PAK5: variants seen among roughly 807,000 people sequenced by gnomAD.
PAK5 encodes the protein serine/threonine-protein kinase PAK 5.
In PAK5, 16 loss-of-function variants were observed where a neutral mutation model predicts 65.9. The ratio of observed to expected loss-of-function variants is 0.24; its 90% CI spans 0.16 to 0.37. The LOEUF (loss-of-function observed/expected upper bound fraction) is 0.37. Ranked by LOEUF, PAK5 falls within the 10% of genes least tolerant of loss-of-function variation. The probability of loss-of-function intolerance (pLI) is 1.00; values close to 1 mark genes in which losing one functional copy is unlikely to be tolerated. For synonymous variants in PAK5, 371 were observed against 354.9 expected (o/e 1.05, Z -0.51); for missense variants, 785 against 903.9 (o/e 0.87, Z 1.69).
intron 7 of PAK5, among the ~76,000 whole-genome samples, chr20:9,545,819 C>A (rs927258234): frequency 3.3e-5 from 5 of 152,156 alleles, no homozygotes; most frequent in Non-Finnish European, 7.4e-5. Flanking sequence ...CAAAAGCTGA[C>A]CCCTTTCCTA....
At chr20:9,589,423 C>T (rs751118682) in intron 3 of PAK5, among the ~76,000 whole-genome samples, 7 of 152,130 alleles carry the variant, frequency 4.6e-5, no homozygotes, top group Admixed American at 1.3e-4. Flanking sequence ...TATTTTCACT[C>T]GCTATTACCA....
At chr20:9,747,923 A>G (rs1303874995) in intron 1 of PAK5, among the ~76,000 whole-genome samples, 1 of 152,092 alleles carries the variant, frequency 6.6e-6, no homozygotes, top group African/African-American at 2.4e-5. Flanking sequence ...ACATGATTGT[A>G]TATCTAGAAA....
intron 3 of PAK5, among the ~76,000 whole-genome samples, chr20:9,632,134 G>A (rs978849565): frequency 6.6e-6 from 1 of 152,184 alleles, no homozygotes. Context: ...ACTGCTGGGA[G>A]AGAAGAGCTG....
intron 3 of PAK5, among the ~76,000 whole-genome samples, chr20:9,594,801 A>G (rs1356013659): frequency 6.6e-6 from 1 of 152,154 alleles, no homozygotes; most frequent in African/African-American, 2.4e-5. Context: ...AAATCTTTTT[A>G]ATCAACTTCT....
At chr20:9,735,265 C>G (rs969950094) in intron 1 of PAK5, among the ~76,000 whole-genome samples, 1 of 151,970 alleles carries the variant, frequency 6.6e-6, no homozygotes, top group African/African-American at 2.4e-5. Flanking sequence ...GAGGGGAGAG[C>G]TGGAGAGAGA....
intron 1 of PAK5, among the ~76,000 whole-genome samples, chr20:9,783,870 C>T (rs79200556): frequency 7.9e-5 from 12 of 152,202 alleles, no homozygotes; most frequent in South Asian, 4.1e-4. Flanking sequence ...GATTTAACCA[C>T]GCTAAAAATC....
chr20:9,735,744 C>G (rs1242107243), intron 1 of PAK5, among the ~76,000 whole-genome samples: 2 of 151,832 alleles, frequency 1.3e-5, no homozygotes, highest in Non-Finnish European at 2.9e-5. Context: ...CACCACTGGC[C>G]AGGCGCAGTG....
At chr20:9,719,097 G>A (rs2048184713) in intron 1 of PAK5, among the ~76,000 whole-genome samples, 1 of 152,160 alleles carries the variant, frequency 6.6e-6, no homozygotes, top group South Asian at 2.1e-4. Flanking sequence ...AATAAGGTAT[G>A]TTCTGTGTCC....
At chr20:9,639,061 C>A (rs1255265875) in intron 3 of PAK5, among the ~76,000 whole-genome samples, 2 of 152,082 alleles carry the variant, frequency 1.3e-5, no homozygotes, top group Non-Finnish European at 1.5e-5. Flanking sequence ...ATGACTATAT[C>A]CAGTCTTTTC....
intron 7 of PAK5, among the ~76,000 whole-genome samples, chr20:9,549,297 AG>A (rs1194804496): frequency 2.0e-5 from 3 of 152,136 alleles, no homozygotes; most frequent in African/African-American, 7.2e-5. Flanking sequence ...CATACAAATA[AG>A]GGAGAGGAGA....
At chr20:9,648,311 C>A (rs1176484302) in intron 2 of PAK5, among the ~76,000 whole-genome samples, 1 of 152,162 alleles carries the variant, frequency 6.6e-6, no homozygotes, top group Non-Finnish European at 1.5e-5. Context: ...TGGTTAATTC[C>A]CCCAGGACTG....
intron 3 of PAK5, among the ~76,000 whole-genome samples, chr20:9,616,922 T>C (rs1415927613): frequency 6.6e-6 from 1 of 152,244 alleles, no homozygotes; most frequent in East Asian, 1.9e-4. Flanking sequence ...TTTTGTTTAT[T>C]CTTTCACTTT....
chr20:9,832,912 A>G (rs753496702), intron 1 of PAK5, among the ~76,000 whole-genome samples: 2 of 152,216 alleles, frequency 1.3e-5, no homozygotes, highest in Non-Finnish European at 2.9e-5. Flanking sequence ...ATGAACTGTC[A>G]TGTCATGTTT....
intron 2 of PAK5, among the ~76,000 whole-genome samples, chr20:9,649,807 A>C (rs1384605145): frequency 6.6e-6 from 1 of 152,192 alleles, no homozygotes; most frequent in East Asian, 1.9e-4. Context: ...TGTGTGTCAG[A>C]CACTGCTCTA....
At chr20:9,641,445 C>A (rs2047059220) in intron 3 of PAK5, among the ~76,000 whole-genome samples, 3 of 104,064 alleles carry the variant, frequency 2.9e-5, no homozygotes, top group African/African-American at 9.3e-5. Flanking sequence ...ATACAGAGTG[C>A]CGATTGGTGT....
intron 2 of PAK5, among the ~76,000 whole-genome samples, chr20:9,660,322 G>A (rs931084807): frequency 6.6e-6 from 1 of 150,670 alleles, no homozygotes; most frequent in African/African-American, 2.4e-5. Context: ...GGTAGATTAA[G>A]ATTATTTTAA....
Position 9,562,144 on chromosome 20 carries a change from T to C in PAK5, c.1616+747A>G, listed in dbSNP as rs143138656. On this transcript the variant is annotated intron_variant, in intron 6 of 9. Coordinates refer to ENST00000353224, the MANE Select transcript of PAK5 (RefSeq NM_177990.4). ...CCTTATATTAAATAGAAATATTTATTGACTCTTTCTGAGAGAGACATTTAG... is the reference window on the plus strand; with the variant it reads ...CCTTATATTAAATAGAAATATTTATCGACTCTTTCTGAGAGAGACATTTAG... Among the ~76,000 whole-genome samples the C allele has an allele frequency of 3.8e-3, 579 of 152,354 alleles. 2 individuals carry two copies. The highest frequency in any genetic ancestry group is 0.013 in the African/African-American group (560 of 41,576).
rs143557164 is a variant in PAK5 at position 9,770,840 on chromosome 20, G to A, written c.-161-59405C>T. 7.6e-3 allele frequency among the ~76,000 whole-genome samples: 1,155 copies of A among 152,226 alleles called. 15 individuals carry two copies. The highest frequency in any genetic ancestry group is 0.027 in the African/African-American group (1,107 of 41,526). On this transcript the variant is annotated intron_variant, in intron 1 of 9. Coordinates refer to ENST00000353224, the MANE Select transcript of PAK5 (RefSeq NM_177990.4). The stretch of plus-strand genomic sequence containing the variant: ...GAGCCCTCAAGAAGTTATCCTCAGT[G>A]CCAAGTTGGACATCAAGTTGTCAAG...
intron 1 of PAK5, among the ~76,000 whole-genome samples, chr20:9,831,220 T>TGC (rs1442621711): frequency 6.6e-6 from 1 of 152,230 alleles, no homozygotes; most frequent in African/African-American, 2.4e-5. Flanking sequence ...TGTGTGTGTG[T>TGC]GCGCGCGTGC....
Sources: gnomAD v4.1 joint callset for allele counts (sites outside exome capture counted in the v4.1 genomes callset) on GRCh38, gnomAD v4.1.1 for gene constraint, MANE v1.5 for transcripts, NCBI Gene and HGNC (gene_info 2026-07-23, HGNC 2026-07-21) for gene names.